Variants in RAB6A observed in about 807,000 individuals in gnomAD.
RAB6A encodes RAB6A, member RAS oncogene family.
In RAB6A, 8 loss-of-function variants were observed where a neutral mutation model predicts 32.3. The observed-to-expected ratio is 0.25, with a 90% CI of 0.15 to 0.45. The LOEUF (loss-of-function observed/expected upper bound fraction) is 0.45, where lower values mean the gene tolerates loss of function less well. Ranked by LOEUF, RAB6A falls within the 20% of genes least tolerant of loss-of-function variation. RAB6A has a pLI of 1.00. For synonymous variants in RAB6A, 73 were observed against 82.1 expected (o/e 0.89, Z 0.60); for missense variants, 104 against 249.4 (o/e 0.42, Z 3.93).
At chr11:73,756,385 C>T (rs1946750420) in intron 1 of RAB6A, among the ~76,000 whole-genome samples, 1 of 152,040 alleles carries the variant, frequency 6.6e-6, no homozygotes, top group Non-Finnish European at 1.5e-5. Flanking sequence ...TACTGCTAGT[C>T]TCTGACAATA....
chr11:73,748,325 G>A (rs1040533685), intron 1 of RAB6A, among the ~76,000 whole-genome samples: 17 of 152,180 alleles, frequency 1.1e-4, no homozygotes, highest in African/African-American at 3.9e-4. Flanking sequence ...GAGCAATTAT[G>A]TATATAAATG....
intron 3 of RAB6A, 195 bp from the exon 4 acceptor site, chr11:73,718,913 TAAAAA>T: frequency 1.7e-6 from 2 of 1,165,906 alleles, no homozygotes; most frequent in Non-Finnish European, 2.3e-6. Context: ...AAAAAATAAA[TAAAAA>T]AAAAAAAACC....
At chr11:73,722,812 A>T (rs979406624) in intron 2 of RAB6A, 5 of 151,950 alleles carry the variant, frequency 3.3e-5, no homozygotes, top group Non-Finnish European at 7.4e-5. Context: ...TTATTTATTT[A>T]TTTATTTATT....
At chr11:73,692,096 A>C (rs1945575797) in intron 6 of RAB6A, among the ~76,000 whole-genome samples, 1 of 152,196 alleles carries the variant, frequency 6.6e-6, no homozygotes, top group East Asian at 1.9e-4. Flanking sequence ...AACTATCCAC[A>C]ATACTACTCA....
intron 5 of RAB6A, among the ~76,000 whole-genome samples, chr11:73,714,795 G>A (rs756689933): frequency 1.3e-4 from 20 of 151,730 alleles, no homozygotes; most frequent in Middle Eastern, 3.4e-3. Flanking sequence ...GTGAAACCCC[G>A]TCTCTACTAA....
intron 1 of RAB6A, among the ~76,000 whole-genome samples, chr11:73,732,838 T>C (rs1946338485): frequency 6.6e-6 from 1 of 151,558 alleles, no homozygotes; most frequent in Non-Finnish European, 1.5e-5. Flanking sequence ...CCCGAGACGA[T>C]GTCTTGCTCT....
chr11:73,693,417 A>AAT (rs1164261799), intron 6 of RAB6A, among the ~76,000 whole-genome samples: 1 of 152,238 alleles, frequency 6.6e-6, no homozygotes, highest in African/African-American at 2.4e-5. Context: ...GAATCAGAGA[A>AAT]ATATGTGTTT....
chr11:73,678,711 T>G (rs1945305556), intron 7 of RAB6A, among the ~76,000 whole-genome samples: 1 of 147,140 alleles, frequency 6.8e-6, no homozygotes, highest in Non-Finnish European at 1.5e-5. Context: ...TATTATGTTT[T>G]ATGTTGTTGT....
intron 5 of RAB6A, among the ~76,000 whole-genome samples, chr11:73,714,185 T>G (rs1458347433): frequency 1.6e-5 from 1 of 60,906 alleles, no homozygotes; most frequent in Non-Finnish European, 2.9e-5. Context: ...AGAGCAGAAC[T>G]CCATCTCAAA....
intron 6 of RAB6A, among the ~76,000 whole-genome samples, chr11:73,688,584 T>C (rs1250559022): frequency 1.3e-5 from 2 of 152,218 alleles, no homozygotes; most frequent in Admixed American, 6.5e-5. Context: ...AGAGATCTTG[T>C]CCCTGGGTCT....
intron 6 of RAB6A, among the ~76,000 whole-genome samples, chr11:73,700,583 C>CAAA (rs11458879): frequency 3.3e-5 from 1 of 30,486 alleles, no homozygotes; most frequent in African/African-American, 1.5e-4. Flanking sequence ...GACCCTGTCT[C>CAAA]AAAAAAAAAA....
intron 1 of RAB6A, among the ~76,000 whole-genome samples, chr11:73,749,465 C>T (rs1946641987): frequency 6.6e-6 from 1 of 152,134 alleles, no homozygotes; most frequent in South Asian, 2.1e-4. Flanking sequence ...AAGAACTCTT[C>T]CATGCAACCA....
At chr11:73,685,213 G>T (rs1945423842) in intron 6 of RAB6A, among the ~76,000 whole-genome samples, 1 of 151,224 alleles carries the variant, frequency 6.6e-6, no homozygotes, top group Non-Finnish European at 1.5e-5. Flanking sequence ...ATACTTGCCT[G>T]ATTAGATTAT....
At chr11:73,709,042 T>A (rs1035318565) in intron 5 of RAB6A, among the ~76,000 whole-genome samples, 1 of 152,198 alleles carries the variant, frequency 6.6e-6, no homozygotes, top group Non-Finnish European at 1.5e-5. Flanking sequence ...GAAACACTTT[T>A]AAAAAACTGT....
chr11:73,736,258 A>G (rs960507302), intron 1 of RAB6A, among the ~76,000 whole-genome samples: 2 of 150,068 alleles, frequency 1.3e-5, no homozygotes, highest in Admixed American at 6.7e-5. Context: ...GTGAAACCCC[A>G]TCTCTACTAA....
intron 6 of RAB6A, among the ~76,000 whole-genome samples, chr11:73,687,770 T>C (rs1187503600): frequency 1.3e-5 from 2 of 152,126 alleles, no homozygotes; most frequent in East Asian, 1.9e-4. Context: ...GGCAGGAGAA[T>C]TACTTGAACC....
At chr11:73,753,254 C>T (rs1946694895) in intron 1 of RAB6A, among the ~76,000 whole-genome samples, 1 of 152,086 alleles carries the variant, frequency 6.6e-6, no homozygotes, top group Non-Finnish European at 1.5e-5. Flanking sequence ...TCAAGACTAA[C>T]CTGGCCAACA....
At chr11:73,698,795 C>T (rs1945695208) in intron 6 of RAB6A, among the ~76,000 whole-genome samples, 1 of 151,388 alleles carries the variant, frequency 6.6e-6, no homozygotes, top group Non-Finnish European at 1.5e-5. Flanking sequence ...GAAGCATCCC[C>T]AGTTACCTAT....
intron 6 of RAB6A, among the ~76,000 whole-genome samples, chr11:73,696,859 C>A (rs1471513619): frequency 6.6e-6 from 1 of 152,054 alleles, no homozygotes; most frequent in African/African-American, 2.4e-5. Context: ...CCACCTTGGC[C>A]TCCCAAGGTG....
Sources: gnomAD v4.1 joint callset for allele counts (sites outside exome capture counted in the v4.1 genomes callset) on GRCh38, gnomAD v4.1.1 for gene constraint, MANE v1.5 for transcripts, NCBI Gene and HGNC (gene_info 2026-07-23, HGNC 2026-07-21) for gene names.